The following STARD13 variants were observed in gnomAD, a reference collection of about 807,000 sequenced individuals.
STARD13 encodes stAR-related lipid transfer protein 13.
Under a neutral mutation model 106.4 loss-of-function variants are expected in STARD13, and 62 were observed. That is an observed-to-expected ratio of 0.58 (90% CI 0.48 to 0.72). The LOEUF is 0.72. STARD13 is among the 30% of genes least tolerant of loss of function. The pLI, the probability that STARD13 is intolerant of heterozygous loss-of-function variation, is 0.00. For synonymous variants in STARD13, 565 were observed against 553.0 expected, an observed-to-expected ratio of 1.02 and a Z score of -0.31; for missense variants, 1,387 against 1,424.0, an observed-to-expected ratio of 0.97 and a Z score of 0.42.
chr13:33,177,801 A>G (rs145131963), intron 1 of STARD13, among the ~76,000 whole-genome samples: 64 of 7,688 alleles, frequency 8.3e-3, no homozygotes, highest in South Asian at 0.021. Flanking sequence ...GGAAGGAAGG[A>G]AAGGAAGGAA....
At chr13:33,454,501 A>C in the STARD13 span, among the ~76,000 whole-genome samples, 2 of 152,228 alleles carry the variant, frequency 1.3e-5, no homozygotes, top group Admixed American at 6.5e-5. Context: ...CACCATAGGC[A>C]GTTACTTATA....
the STARD13 span, among the ~76,000 whole-genome samples, chr13:33,596,367 A>G: frequency 2.6e-5 from 4 of 152,160 alleles, no homozygotes; most frequent in Non-Finnish European, 5.9e-5. Context: ...TACCCACAAT[A>G]TATATGGTAT....
intron 1 of STARD13, among the ~76,000 whole-genome samples, chr13:33,228,677 C>T (rs1160072994): frequency 6.6e-6 from 1 of 152,186 alleles, no homozygotes; most frequent in Non-Finnish European, 1.5e-5. Flanking sequence ...ATTGCTAATT[C>T]GGACATGGGT....
At chr13:33,631,121 A>C in the STARD13 span, among the ~76,000 whole-genome samples, 1 of 152,226 alleles carries the variant, frequency 6.6e-6, no homozygotes, top group Non-Finnish European at 1.5e-5. Flanking sequence ...AGTGTTAAAT[A>C]AATCACACAG....
chr13:33,447,656 T>A, the STARD13 span, among the ~76,000 whole-genome samples: 3 of 152,286 alleles, frequency 2.0e-5, no homozygotes, highest in South Asian at 6.2e-4. Flanking sequence ...GTTAGAAGGA[T>A]TGAAAATTAA....
At chr13:33,211,226 G>T (rs1318123014) in intron 1 of STARD13, among the ~76,000 whole-genome samples, 1 of 150,034 alleles carries the variant, frequency 6.7e-6, no homozygotes, top group Admixed American at 6.6e-5. Context: ...AAACATGAAA[G>T]ATATTAAAAT....
the STARD13 span, among the ~76,000 whole-genome samples, chr13:33,427,924 C>T: frequency 7.0e-6 from 1 of 143,134 alleles, no homozygotes; most frequent in Admixed American, 7.2e-5. Context: ...CACTGCACTC[C>T]AGCCTGGGCA....
intron 1 of STARD13, among the ~76,000 whole-genome samples, chr13:33,198,993 C>G (rs1010736499): frequency 1.3e-5 from 2 of 152,238 alleles, no homozygotes; most frequent in African/African-American, 2.4e-5. Context: ...GCAGTGATCT[C>G]TCCATACATC....
intron 3 of STARD13, among the ~76,000 whole-genome samples, chr13:33,158,272 C>T (rs1882212219): frequency 6.6e-6 from 1 of 152,160 alleles, no homozygotes; most frequent in African/African-American, 2.4e-5. Context: ...GTCCTCCCTG[C>T]CAGACATATC....
chr13:33,589,637 A>G, the STARD13 span, among the ~76,000 whole-genome samples: 2 of 152,122 alleles, frequency 1.3e-5, no homozygotes, highest in Non-Finnish European at 2.9e-5. Flanking sequence ...CCTGAGTTCT[A>G]GTTTGATTGC....
chr13:33,439,106 T>C, the STARD13 span, among the ~76,000 whole-genome samples: 1 of 152,230 alleles, frequency 6.6e-6, no homozygotes, highest in Non-Finnish European at 1.5e-5. Context: ...TTTCAGAATG[T>C]CTTATCCATA....
At chr13:33,325,405 G>A (rs1231805030) in intron 1 of STARD13, among the ~76,000 whole-genome samples, 1 of 152,118 alleles carries the variant, frequency 6.6e-6, no homozygotes, top group Non-Finnish European at 1.5e-5. Context: ...TATACACAGA[G>A]AGGAAAAAAA....
chr13:33,372,430 T>C, the STARD13 span, among the ~76,000 whole-genome samples: 1 of 151,978 alleles, frequency 6.6e-6, no homozygotes, highest in Non-Finnish European at 1.5e-5. Flanking sequence ...GATCGACTCA[T>C]GTCTTTGAAG....
chr13:33,270,098 T>C (rs571512480), intron 1 of STARD13, among the ~76,000 whole-genome samples: 131 of 152,192 alleles, frequency 8.6e-4, no homozygotes, highest in South Asian at 7.9e-3. Context: ...TAGCTGGGCA[T>C]GGTGGCAGGT....
At chr13:33,157,266 C>T (rs1428109614) in intron 3 of STARD13, among the ~76,000 whole-genome samples, 2 of 152,120 alleles carry the variant, frequency 1.3e-5, no homozygotes, top group Non-Finnish European at 2.9e-5. Flanking sequence ...GATTCCTTAG[C>T]TCTATCAAAC....
the STARD13 span, among the ~76,000 whole-genome samples, chr13:33,533,702 C>T: frequency 6.6e-6 from 1 of 152,144 alleles, no homozygotes; most frequent in African/African-American, 2.4e-5. Context: ...AAACCAAAGC[C>T]TTTGCTTACA....
At position 33,180,662 on chromosome 13, in the gene STARD13, C is replaced by T. The variant is rs184678029; in HGVS notation, c.170-13040G>A. ...CAGGTCGGCTTCCTAAGGTCATTCT[C>T]ACTATGAGAAACATGCTAGGTGTAT... On this transcript the variant is annotated intron_variant, in intron 1 of 13. Transcript: ENST00000336934. 5 of 152,300 alleles carry T rather than the reference C, an allele frequency of 3.3e-5. No individual in the cohort carries two copies. The East Asian group carries it at 7.7e-4, about 23-fold the overall frequency. The allele number at this position is 152,300 out of a possible 1,614,324, so 9.4% of individuals were successfully genotyped here. A position where few individuals can be genotyped will look rare whatever the true frequency, so the allele number is the denominator to read the frequency against.
the STARD13 span, among the ~76,000 whole-genome samples, chr13:33,651,562 A>G: frequency 5.3e-5 from 8 of 152,090 alleles, no homozygotes; most frequent in African/African-American, 1.7e-4. Context: ...TTAAACTTTG[A>G]GATGTTTGAT....
chr13:33,219,928 TATACCC>T (rs1309144103), intron 1 of STARD13, among the ~76,000 whole-genome samples: 1 of 152,004 alleles, frequency 6.6e-6, no homozygotes, highest in Non-Finnish European at 1.5e-5. Flanking sequence ...TTTTCCATGA[TATACCC>T]ACAGCACCTT....
Sources: gnomAD v4.1 joint callset for allele counts (sites outside exome capture counted in the v4.1 genomes callset) on GRCh38, gnomAD v4.1.1 for gene constraint, MANE v1.5 for transcripts, NCBI Gene and HGNC (gene_info 2026-07-23, HGNC 2026-07-21) for gene names.